HPN: variants seen among roughly 807,000 people sequenced by gnomAD.
HPN encodes serine protease hepsin.
Under a neutral mutation model 55.9 loss-of-function variants are expected in HPN, and 13 were observed. The observed-to-expected ratio is 0.23, with a 90% CI of 0.15 to 0.37. The LOEUF (loss-of-function observed/expected upper bound fraction) is 0.37, where lower values mean the gene tolerates loss of function less well. Among genes scored for constraint, HPN ranks in the 10% least tolerant of loss-of-function variants. The pLI, the probability that HPN is intolerant of heterozygous loss-of-function variation, is 1.00. For missense variants in HPN, 451 were observed against 575.8 expected, an observed-to-expected ratio of 0.78 and a Z score of 2.22; for synonymous variants, 225 against 240.3, an observed-to-expected ratio of 0.94 and a Z score of 0.59.
rs768300103 is a variant in HPN at position 35,049,399 on chromosome 19, C to T, written c.118+8C>T. The T allele has an allele frequency of 2.6e-5, 42 of 1,607,416 alleles. No individual in the cohort carries two copies. In the Admixed American group the frequency reaches 2.9e-4, roughly 11 times the overall value. On this transcript the variant is annotated splice_region_variant and intron_variant, in intron 3 of 12. Transcript: ENST00000672452. ...CGGCATCCTGGGCCATTGGTGAGAG[C>T]GGTTCCTGTGCCTCTGACCTCCCCT...
intron 4 of HPN, among the ~76,000 whole-genome samples, chr19:35,052,160 C>G (rs569768881): frequency 6.6e-6 from 1 of 152,206 alleles, no homozygotes; most frequent in Non-Finnish European, 1.5e-5. Flanking sequence ...TCCCTACTCT[C>G]TCCAAGACTC....
chr19:35,060,667 G>A lies in HPN; in HGVS notation c.661G>A (p.Ala221Thr). The change falls in exon 9 of 13, where the codon GCC (alanine) becomes ACC (threonine). Residue 221 changes from alanine (A) to threonine (T), a missense_variant. Ala to Thr is a moderately conservative substitution (Grantham distance 58). Transcript: ENST00000672452. ...GTCCCGATGGCGAGTGTTTGCCGGT[G>A]CCGTGGCCCAGGCCTCTCCCCACGG... The part of the protein sequence containing the change: ...VLSRWRVFAG[A>T]VAQASPHGLQ... 6.2e-7 allele frequency: 1 copy of A among 1,614,140 alleles called. No homozygotes were observed. The highest frequency in any genetic ancestry group is 8.5e-7 in the Non-Finnish European group (1 of 1,180,042).
At chr19:35,045,816 G>A (rs967381477) in intron 2 of HPN, among the ~76,000 whole-genome samples, 2 of 152,116 alleles carry the variant, frequency 1.3e-5, no homozygotes, top group Non-Finnish European at 2.9e-5. Flanking sequence ...CATGCAGGGA[G>A]GATGCCTCTC....
chr19:35,065,803 AT>A, intron 11 of HPN, 64 bp from the exon 12 acceptor site: 1 of 1,516,928 alleles, frequency 6.6e-7, no homozygotes. Flanking sequence ...AGCCCATGTC[AT>A]CCCGGGGTGG....
intron 2 of HPN, among the ~76,000 whole-genome samples, chr19:35,047,146 T>C (rs1029238821): frequency 6.6e-6 from 1 of 152,124 alleles, no homozygotes; most frequent in East Asian, 1.9e-4. Flanking sequence ...GCTTTTAATC[T>C]CCAGGACCTC....
intron 12 of HPN, 78 bp from the exon 13 acceptor site, chr19:35,066,171 G>A: frequency 6.2e-7 from 1 of 1,613,586 alleles, no homozygotes; most frequent in Non-Finnish European, 8.5e-7. Flanking sequence ...GACTTTGAAG[G>A]GTTCCTGGGG....
At chr19:35,061,264 G>A (rs1048888454) in intron 9 of HPN, among the ~76,000 whole-genome samples, 2 of 152,270 alleles carry the variant, frequency 1.3e-5, no homozygotes, top group African/African-American at 2.4e-5. Context: ...TTGGGAGGCC[G>A]AGGTGGGTGG....
At chr19:35,042,260 G>A in intron 1 of HPN, 193 bp from the exon 2 acceptor site, 1 of 1,345,142 alleles carries the variant, frequency 7.4e-7, no homozygotes, top group Non-Finnish European at 9.5e-7. Context: ...TGCAAATCCA[G>A]GCGTCCCCCC....
intron 1 of HPN, 77 bp from the exon 2 acceptor site, chr19:35,042,364 TGCCTGGATGGAC>T: frequency 6.8e-7 from 1 of 1,461,450 alleles, no homozygotes; most frequent in Non-Finnish European, 9.0e-7. Flanking sequence ...CCCTACAGCC[TGCCTGGATGGAC>T]GCCTGGGACT....
intron 4 of HPN, among the ~76,000 whole-genome samples, chr19:35,055,445 A>G (rs2064445666): frequency 6.6e-6 from 1 of 151,492 alleles, no homozygotes. Context: ...AAGGACAAAG[A>G]GGTTCACAGC....
At chr19:35,060,206 C>G (rs1284574406) in intron 7 of HPN, 37 bp downstream of exon 7, 1 of 1,612,998 alleles carries the variant, frequency 6.2e-7, no homozygotes, top group Admixed American at 1.7e-5. Context: ...TCCTTTAGGC[C>G]CTTGGGGAGG....
intron 2 of HPN, among the ~76,000 whole-genome samples, chr19:35,042,859 T>C (rs2077493261): frequency 6.6e-6 from 1 of 152,192 alleles, no homozygotes; most frequent in Non-Finnish European, 1.5e-5. Context: ...GACACAGATT[T>C]GGAGTGAAAC....
At chr19:35,064,783 G>C (rs1319668813) in intron 9 of HPN, among the ~76,000 whole-genome samples, 1 of 151,704 alleles carries the variant, frequency 6.6e-6, no homozygotes, top group African/African-American at 2.4e-5. Flanking sequence ...AGTATGCGAT[G>C]AGCTCTTGGT....
At chr19:35,052,706 G>T (rs570124519) in intron 4 of HPN, among the ~76,000 whole-genome samples, 1 of 152,088 alleles carries the variant, frequency 6.6e-6, no homozygotes, top group Non-Finnish European at 1.5e-5. Context: ...CTGCCACCCC[G>T]GTAAAACCCT....
chr19:35,048,064 GAAAGAAAGAAAGAAAGAA>G (rs1568356339), intron 2 of HPN, among the ~76,000 whole-genome samples: 8 of 53,490 alleles, frequency 1.5e-4, no homozygotes, highest in South Asian at 1.3e-3. Flanking sequence ...AAGAAAGAAA[GAAAGAAAGAAAGAAAGAA>G]AAGGAAGGAA....
chr19:35,047,998 A>G (rs1296551976), intron 2 of HPN, among the ~76,000 whole-genome samples: 5 of 139,012 alleles, frequency 3.6e-5, no homozygotes, highest in Non-Finnish European at 7.8e-5. Context: ...TCAAAAAAAA[A>G]AAAAAGAAAA....
intron 9 of HPN, among the ~76,000 whole-genome samples, chr19:35,062,817 A>G (rs1237843042): frequency 6.6e-6 from 1 of 152,116 alleles, no homozygotes; most frequent in African/African-American, 2.4e-5. Context: ...CAGGAGATCA[A>G]GGCTGCAGTG....
chr19:35,048,889 C>T (rs1246671439), intron 2 of HPN, among the ~76,000 whole-genome samples: 4 of 152,136 alleles, frequency 2.6e-5, no homozygotes, highest in African/African-American at 4.8e-5. Context: ...GAGGAAATGC[C>T]AGCGGCAGGG....
At chr19:35,053,314 T>C (rs1359683944) in intron 4 of HPN, among the ~76,000 whole-genome samples, 1 of 151,984 alleles carries the variant, frequency 6.6e-6, no homozygotes, top group Non-Finnish European at 1.5e-5. Flanking sequence ...CAGTTAACAG[T>C]CATTTTAAAA....
Sources: gnomAD v4.1 joint callset for allele counts (sites outside exome capture counted in the v4.1 genomes callset) on GRCh38, gnomAD v4.1.1 for gene constraint, MANE v1.5 for transcripts, NCBI Gene and HGNC (gene_info 2026-07-23, HGNC 2026-07-21) for gene names.